Variants in CSNK2A1 observed in about 807,000 individuals in gnomAD.
CSNK2A1 encodes casein kinase II subunit alpha.
A neutral mutation model predicts 62.9 loss-of-function variants in CSNK2A1; 10 were observed. The observed-to-expected ratio is 0.16, with a 90% CI of 0.10 to 0.27. The LOEUF is 0.27. Ranked by LOEUF, CSNK2A1 falls within the 10% of genes least tolerant of loss-of-function variation. The probability of loss-of-function intolerance (pLI) is 1.00; values close to 1 mark genes in which losing one functional copy is unlikely to be tolerated. For synonymous variants in CSNK2A1, 124 were observed against 167.8 expected (o/e 0.74, Z 2.02); for missense variants, 160 against 492.0 (o/e 0.33, Z 6.38).
At chr20:492,184 T>C in intron 9 of CSNK2A1, 70 bp downstream of exon 9, 1 of 1,218,054 alleles carries the variant, frequency 8.2e-7, no homozygotes, top group Non-Finnish European at 1.2e-6. Context: ...AAATGATACT[T>C]TTTTTTTTTT....
At chr20:502,187 C>A (rs1318686508) in intron 4 of CSNK2A1, 1 of 152,238 alleles carries the variant, frequency 6.6e-6, no homozygotes, top group East Asian at 1.9e-4. Context: ...TTACTAATGA[C>A]TTCCATGTAG....
At chr20:530,001 T>C (rs890732104) in intron 1 of CSNK2A1, among the ~76,000 whole-genome samples, 1 of 152,190 alleles carries the variant, frequency 6.6e-6, no homozygotes, top group Non-Finnish European at 1.5e-5. Flanking sequence ...ATAAAATCCA[T>C]GTAACATAAA....
At position 499,908 on chromosome 20, in the gene CSNK2A1, A is replaced by T; in HGVS notation, c.240T>A (p.Arg80=). 1 of 1,612,888 alleles carries T rather than the reference A, an allele frequency of 6.2e-7. No individual in the cohort carries two copies. The highest frequency in any genetic ancestry group is 8.5e-7 in the Non-Finnish European group (1 of 1,179,736). ...TCAAATTCTCCAAAATCTTTATTTC[A>T]CGCTTAATTTTCTTCTTTTTTACTG... The part of the protein sequence containing the change: ...LKPVKKKKIK[R]EIKILENLRG... The change falls in exon 5 of 14, where the codon CGT becomes CGA. Residue 80 remains arginine (R), a synonymous_variant. Coordinates refer to ENST00000217244, the MANE Select transcript of CSNK2A1 (RefSeq NM_177559.3). This position sits in a 1 kb window ranked among gnomAD's most constrained non-coding sequence, Gnocchi z 4.2.
intron 1 of CSNK2A1, among the ~76,000 whole-genome samples, chr20:530,396 T>C (rs1286987195): frequency 1.3e-5 from 2 of 152,306 alleles, no homozygotes; most frequent in Middle Eastern, 3.4e-3. Flanking sequence ...ATATTTGGAC[T>C]GTCTCCACTT....
At chr20:540,352 T>C (rs2019423707) in intron 1 of CSNK2A1, among the ~76,000 whole-genome samples, 1 of 152,202 alleles carries the variant, frequency 6.6e-6, no homozygotes, top group Non-Finnish European at 1.5e-5. Flanking sequence ...CTCAGCTAAA[T>C]ATACAAGTTC....
chr20:477,418 T>G lies in CSNK2A1; in HGVS notation c.*6543A>C, dbSNP rs1004866097. ...CATGTTGTCCAGGCTGGTCTGGGAC[T>G]CCCGGCTCCCAAAGTGTTCCAACCA... On this transcript the variant is annotated 3_prime_UTR_variant, in exon 14 of 14. Coordinates refer to ENST00000217244, the MANE Select transcript of CSNK2A1 (RefSeq NM_177559.3). 1 of 152,326 alleles carries G rather than the reference T, an allele frequency of 6.6e-6. No individual in the cohort carries two copies. The highest frequency in any genetic ancestry group is 2.4e-5 in the African/African-American group (1 of 41,438). 9.4% of individuals were successfully genotyped at this position (152,326 alleles called of 1,614,324 possible).
intron 4 of CSNK2A1, chr20:504,824 G>T: frequency 3.0e-6 from 1 of 331,126 alleles, no homozygotes; most frequent in Non-Finnish European, 5.4e-6. Context: ...ATTATATAAT[G>T]AAAAGTAAAG....
chr20:531,128 T>A (rs1367494044), intron 1 of CSNK2A1, among the ~76,000 whole-genome samples: 1 of 152,056 alleles, frequency 6.6e-6, no homozygotes, highest in Non-Finnish European at 1.5e-5. Flanking sequence ...TGTATTAAAA[T>A]TTTTCACAAT....
chr20:518,110 C>T (rs562359975), intron 2 of CSNK2A1, among the ~76,000 whole-genome samples: 3 of 152,242 alleles, frequency 2.0e-5, no homozygotes, highest in South Asian at 4.2e-4. Context: ...AGGCTACAGG[C>T]ATGTGTCACC....
At chr20:533,003 CT>C (rs2019245325) in intron 1 of CSNK2A1, among the ~76,000 whole-genome samples, 1 of 152,176 alleles carries the variant, frequency 6.6e-6, no homozygotes, top group Admixed American at 6.5e-5. Flanking sequence ...TATTGATTCT[CT>C]TTTCCCATGT....
At chr20:524,074 T>C (rs1489197259) in intron 2 of CSNK2A1, among the ~76,000 whole-genome samples, 1 of 151,918 alleles carries the variant, frequency 6.6e-6, no homozygotes, top group Non-Finnish European at 1.5e-5. Flanking sequence ...TACTGTGTAT[T>C]AATTTAAAAA....
intron 2 of CSNK2A1, among the ~76,000 whole-genome samples, chr20:514,064 A>G (rs1270229936): frequency 1.3e-5 from 2 of 152,148 alleles, no homozygotes; most frequent in African/African-American, 2.4e-5. Context: ...GGTGATAAAA[A>G]GGGGATGTGA....
At chr20:493,006 T>C (rs964809523) in intron 8 of CSNK2A1, among the ~76,000 whole-genome samples, 6 of 152,190 alleles carry the variant, frequency 3.9e-5, no homozygotes, top group Non-Finnish European at 7.3e-5. Context: ...AGCATGACCA[T>C]GATCTGAAGT....
At chr20:530,390 T>G (rs1176974805) in intron 1 of CSNK2A1, among the ~76,000 whole-genome samples, 1 of 152,212 alleles carries the variant, frequency 6.6e-6, no homozygotes, top group Non-Finnish European at 1.5e-5. Context: ...TGACAGATAT[T>G]TGGACTGTCT....
chr20:494,391 A>T (rs1445071984), intron 8 of CSNK2A1: 1 of 152,120 alleles, frequency 6.6e-6, no homozygotes, highest in Admixed American at 6.5e-5. Context: ...TGGACCTAAG[A>T]TTTTGTTGCT....
intron 2 of CSNK2A1, among the ~76,000 whole-genome samples, chr20:516,660 A>G (rs1004742688): frequency 3.3e-5 from 5 of 152,206 alleles, no homozygotes; most frequent in Non-Finnish European, 5.9e-5. Context: ...AAAGAAAACT[A>G]GAGGCTTAGT....
intron 2 of CSNK2A1, among the ~76,000 whole-genome samples, chr20:524,489 C>A (rs1238000343): frequency 1.3e-5 from 2 of 149,368 alleles, no homozygotes; most frequent in Admixed American, 6.7e-5. Flanking sequence ...GGTGTGGTGG[C>A]TCACTTGAGG....
chr20:543,383 C>T (rs2019494979), intron 1 of CSNK2A1: 1 of 214,412 alleles, frequency 4.7e-6, no homozygotes, highest in Admixed American at 5.9e-5. Flanking sequence ...TCCCCTAGTC[C>T]CCACCCAGTT....
At chr20:505,043 G>C (rs1329805621) in intron 4 of CSNK2A1, 75 bp downstream of exon 4, 16 of 1,326,474 alleles carry the variant, frequency 1.2e-5, no homozygotes, top group Admixed American at 8.1e-5. Flanking sequence ...TTTAAATGCT[G>C]TTTTAAAAAA....
Sources: allele counts gnomAD v4.1 joint callset (sites outside exome capture counted in the v4.1 genomes callset), GRCh38; gene constraint gnomAD v4.1.1; non-coding constraint Gnocchi (gnomAD v3.1); transcripts MANE v1.5; gene names NCBI Gene and HGNC (gene_info 2026-07-23, HGNC 2026-07-21).